PIK3R3: variants seen among roughly 807,000 people sequenced by gnomAD.
The protein encoded by PIK3R3 is phosphoinositide-3-kinase regulatory subunit 3.
A neutral mutation model predicts 62.9 loss-of-function variants in PIK3R3; 64 were observed. The observed-to-expected ratio is 1.02, with a 90% CI of 0.83 to 1.25. The LOEUF is 1.25. Ranked by LOEUF, PIK3R3 falls within the 50% of genes most tolerant of loss-of-function variation. PIK3R3 has a pLI of 0.00. For synonymous variants in PIK3R3, 165 were observed against 189.0 expected (o/e 0.87, Z 1.04); for missense variants, 614 against 561.6 (o/e 1.09, Z -0.94).
rs781238627 is a variant in PIK3R3 at position 46,055,904 on chromosome 1, C to G, written c.832G>C (p.Glu278Gln). ...GEIHDSKMRL[E>Q]QDLKNQALDN... ...AAAGCTTGATTCTTCAAATCCTGCT[C>G]TAGACGCATTTTGCTATCATGAATC... Residue 278 changes from glutamate to glutamine, a missense_variant, in exon 7 of 10, where the codon GAG (glutamate) becomes CAG (glutamine). Coordinates refer to ENST00000262741, the MANE Select transcript of PIK3R3 (RefSeq NM_003629.4). The G allele has an allele frequency of 6.8e-6, 11 of 1,608,734 alleles. No individual in the cohort carries two copies. The highest frequency in any genetic ancestry group is 9.3e-6 in the Non-Finnish European group (11 of 1,176,602).
At chr1:46,141,427 C>G in the PIK3R3 span, among the ~76,000 whole-genome samples, 1 of 151,886 alleles carries the variant, frequency 6.6e-6, no homozygotes, top group Non-Finnish European at 1.5e-5. Flanking sequence ...CCCACCACCA[C>G]GCCCAGCTAA....
chr1:46,131,270 A>T (rs1450522072), intron 1 of PIK3R3, among the ~76,000 whole-genome samples: 1 of 152,240 alleles, frequency 6.6e-6, no homozygotes, highest in Non-Finnish European at 1.5e-5. Context: ...CCATGGCTGA[A>T]TACGAACGCC....
rs765607479 is a variant in PIK3R3, at chr1:46,043,830, G to C, written c.1229C>G (p.Ala410Gly). The C allele has an allele frequency of 5.0e-6, 8 of 1,613,980 alleles. No homozygotes were observed. In the South Asian group the frequency reaches 8.8e-5, roughly 18 times the overall value. ...EVKHCVIYSTARGYGFAEPYN... is the reference protein window; with the variant it reads ...EVKHCVIYSTGRGYGFAEPYN... ...GGGCTCTGCAAAGCCATAGCCCCGAGCAGTGCTGTAGATCACACAGTGCTT... is the reference window on the plus strand; with the variant it reads ...GGGCTCTGCAAAGCCATAGCCCCGACCAGTGCTGTAGATCACACAGTGCTT... The change falls in exon 10 of 10, where the codon GCT becomes GGT. Residue 410 changes from alanine (A) to glycine (G), a missense_variant. Ala to Gly is a moderately conservative substitution (Grantham distance 60, BLOSUM62 0). Transcript: ENST00000262741.
chr1:46,048,499 GC>G (rs1647176349), intron 7 of PIK3R3: 2 of 152,090 alleles, frequency 1.3e-5, no homozygotes, highest in Non-Finnish European at 2.9e-5. Flanking sequence ...ATATCCAGAT[GC>G]CCTCCTCTAA....
At chr1:46,113,492 G>A (rs1426922300) in intron 1 of PIK3R3, among the ~76,000 whole-genome samples, 6 of 151,678 alleles carry the variant, frequency 4.0e-5, no homozygotes, top group Admixed American at 6.6e-5. Flanking sequence ...GTCTCACTAT[G>A]TTGCCCAGGC....
intron 1 of PIK3R3, among the ~76,000 whole-genome samples, chr1:46,084,752 T>TGAGA (rs1207116474): frequency 2.6e-4 from 39 of 152,274 alleles, no homozygotes; most frequent in Middle Eastern, 3.4e-3. Flanking sequence ...TACCTAACTA[T>TGAGA]AATACTCATC....
chr1:46,126,065 C>CTA (rs1655068924), intron 1 of PIK3R3, among the ~76,000 whole-genome samples: 2 of 152,044 alleles, frequency 1.3e-5, no homozygotes, highest in Admixed American at 1.3e-4. Flanking sequence ...TTGCCGCAAT[C>CTA]TAGAGTTTCT....
At chr1:46,093,212 A>G (rs1651805581) in intron 1 of PIK3R3, among the ~76,000 whole-genome samples, 1 of 152,260 alleles carries the variant, frequency 6.6e-6, no homozygotes, top group South Asian at 2.1e-4. Flanking sequence ...TGGTACTGGT[A>G]GTTTAGTATC....
At chr1:46,060,508 T>A (rs186417690) in intron 6 of PIK3R3, among the ~76,000 whole-genome samples, 102 of 152,212 alleles carry the variant, frequency 6.7e-4, no homozygotes, top group African/African-American at 2.2e-3. Flanking sequence ...AAATAAATAA[T>A]TATCATTTAC....
Position 46,077,752 on chromosome 1 carries a change from T to C in PIK3R3, c.216-139A>G, listed in dbSNP as rs146966492. 3.9e-4 allele frequency: 229 copies of C among 592,298 alleles called. 1 individual carries two copies. The highest frequency in any genetic ancestry group is 3.7e-3 in the African/African-American group (203 of 54,210). 36.7% of individuals were successfully genotyped at this position (592,298 alleles called of 1,614,324 possible). On this transcript the variant is annotated intron_variant, in intron 2 of 9. Coordinates refer to ENST00000262741, the MANE Select transcript of PIK3R3 (RefSeq NM_003629.4). ...GAGGTTATAGAATAACGGAGCCATT[T>C]AGAGGTCATTTAGTTCTTCCCTGCA...
At chr1:46,072,021 C>T (rs1649586335) in intron 3 of PIK3R3, among the ~76,000 whole-genome samples, 1 of 152,042 alleles carries the variant, frequency 6.6e-6, no homozygotes, top group Admixed American at 6.6e-5. Flanking sequence ...ATTCCTGCTA[C>T]TCCCCTCCCA....
At chr1:46,155,708 C>A in the PIK3R3 span, among the ~76,000 whole-genome samples, 1 of 152,130 alleles carries the variant, frequency 6.6e-6, no homozygotes, top group Non-Finnish European at 1.5e-5. Context: ...GCTATCTGCC[C>A]ACCTTGGCCT....
chr1:46,094,495 AC>A (rs1334072428), intron 1 of PIK3R3, among the ~76,000 whole-genome samples: 1 of 152,238 alleles, frequency 6.6e-6, no homozygotes, highest in Non-Finnish European at 1.5e-5. Flanking sequence ...AAGACAAAAA[AC>A]ATTTCATCTT....
intron 1 of PIK3R3, among the ~76,000 whole-genome samples, chr1:46,114,257 G>GC (rs1450441746): frequency 1.3e-5 from 2 of 152,150 alleles, no homozygotes; most frequent in Non-Finnish European, 1.5e-5. Flanking sequence ...AATGAAGGAG[G>GC]AGTGGTTCCA....
At chr1:46,071,842 A>G (rs1247359391) in intron 3 of PIK3R3, among the ~76,000 whole-genome samples, 1 of 150,812 alleles carries the variant, frequency 6.6e-6, no homozygotes, top group Non-Finnish European at 1.5e-5. Context: ...CATTAAATAC[A>G]AACTCCCAAG....
In PIK3R3 at chr1:46,109,849, C is replaced by T. The variant is rs142317636; in HGVS notation, c.106+21998G>A. 7.4e-3 allele frequency among the ~76,000 whole-genome samples: 1,130 copies of T among 152,266 alleles called. 17 individuals are homozygous for T. The highest frequency in any genetic ancestry group is 0.026 in the African/African-American group (1,067 of 41,546). On this transcript the variant is annotated intron_variant, in intron 1 of 9. Coordinates refer to ENST00000262741, the MANE Select transcript of PIK3R3 (RefSeq NM_003629.4). ...TTCAAATCTAACCATAATGGTTTAGCACACTATGTTTCAAGAGTTCCACCA... is the reference window on the plus strand; with the variant it reads ...TTCAAATCTAACCATAATGGTTTAGTACACTATGTTTCAAGAGTTCCACCA...
intron 7 of PIK3R3, 127 bp downstream of exon 7, chr1:46,055,668 T>G (rs1647817476): frequency 3.0e-6 from 2 of 670,446 alleles, no homozygotes; most frequent in East Asian, 5.5e-5. Flanking sequence ...TTTCCTAAAT[T>G]CTTACCATCT....
At chr1:46,069,277 T>C (rs1649281013) in intron 3 of PIK3R3, among the ~76,000 whole-genome samples, 2 of 152,160 alleles carry the variant, frequency 1.3e-5, no homozygotes, top group African/African-American at 4.8e-5. Context: ...CCCAGCACTT[T>C]GGGAGGCCAA....
chr1:46,169,152 G>A, the PIK3R3 span, among the ~76,000 whole-genome samples: 2 of 152,204 alleles, frequency 1.3e-5, no homozygotes, highest in Middle Eastern at 6.8e-3. Flanking sequence ...ACCTATTGAA[G>A]CCTCATGGAG....
Sources: allele counts gnomAD v4.1 joint callset (sites outside exome capture counted in the v4.1 genomes callset), GRCh38; gene constraint gnomAD v4.1.1; transcripts MANE v1.5; gene names NCBI Gene and HGNC (gene_info 2026-07-23, HGNC 2026-07-21).